TNNI3K: variants seen among roughly 807,000 people sequenced by gnomAD.
The protein encoded by TNNI3K is TNNI3 interacting kinase, also known as serine/threonine-protein kinase TNNI3K.
Under a neutral mutation model 114.5 loss-of-function variants are expected in TNNI3K, and 140 were observed. The ratio of observed to expected loss-of-function variants is 1.22; its 90% CI spans 1.07 to 1.41. The LOEUF is 1.41. Among genes scored for constraint, TNNI3K ranks in the 40% most tolerant of loss-of-function variants. The pLI is 0.00. For missense variants in TNNI3K, 1,125 were observed against 1,007.6 expected (o/e 1.12, Z -1.58); for synonymous variants, 347 against 347.5 (o/e 1.00, Z 0.02).
intron 17 of TNNI3K, among the ~76,000 whole-genome samples, chr1:74,383,316 A>G (rs973713786): frequency 1.3e-5 from 2 of 151,512 alleles, no homozygotes; most frequent in Non-Finnish European, 2.9e-5. Flanking sequence ...TTTTGTTCTT[A>G]TTTTGTTTTC....
intron 17 of TNNI3K, among the ~76,000 whole-genome samples, chr1:74,402,402 G>A (rs2100593305): frequency 6.6e-6 from 1 of 152,228 alleles, no homozygotes; most frequent in East Asian, 1.9e-4. Context: ...AAAAAAATGT[G>A]TTTCTGGTTT....
At chr1:74,488,471 T>G (rs1461098921) in intron 21 of TNNI3K, among the ~76,000 whole-genome samples, 2 of 152,158 alleles carry the variant, frequency 1.3e-5, no homozygotes, top group African/African-American at 2.4e-5. Flanking sequence ...GGAGAAATGA[T>G]AGGGTGTATA....
intron 17 of TNNI3K, among the ~76,000 whole-genome samples, chr1:74,434,094 A>G (rs751390522): frequency 2.0e-5 from 3 of 151,970 alleles, no homozygotes; most frequent in Non-Finnish European, 4.4e-5. Context: ...TTCTAAAATT[A>G]TTTGGAAATA....
chr1:74,379,203 C>T (rs1464395699), intron 17 of TNNI3K, among the ~76,000 whole-genome samples: 1 of 149,548 alleles, frequency 6.7e-6, no homozygotes, highest in African/African-American at 2.6e-5. Context: ...GACTATGTCC[C>T]TGAATTGAAA....
chr1:74,241,401 G>T (rs2100829857), intron 2 of TNNI3K, among the ~76,000 whole-genome samples: 1 of 152,318 alleles, frequency 6.6e-6, no homozygotes, highest in African/African-American at 2.4e-5. Context: ...CACCAATGGT[G>T]TAAAAGTGTT....
At chr1:74,320,015 G>T (rs1253373377) in intron 5 of TNNI3K, among the ~76,000 whole-genome samples, 1 of 152,186 alleles carries the variant, frequency 6.6e-6, no homozygotes, top group Non-Finnish European at 1.5e-5. Context: ...TTGGGTTATA[G>T]AAGTCTGGGT....
At chr1:74,247,115 A>G (rs1045055661) in intron 2 of TNNI3K, among the ~76,000 whole-genome samples, 2 of 152,162 alleles carry the variant, frequency 1.3e-5, no homozygotes, top group East Asian at 3.9e-4. Context: ...GGACCCTCGC[A>G]GTGAGTGTTC....
chr1:74,413,328 T>G (rs1664974152), intron 17 of TNNI3K, among the ~76,000 whole-genome samples: 1 of 152,222 alleles, frequency 6.6e-6, no homozygotes, highest in Admixed American at 6.5e-5. Flanking sequence ...CATTTTAATT[T>G]TCTAGCATCT....
chr1:74,435,989 T>C, intron 17 of TNNI3K, 91 bp from the exon 18 acceptor site: 1 of 1,485,636 alleles, frequency 6.7e-7, no homozygotes, highest in East Asian at 2.3e-5. Context: ...AAACAAATGA[T>C]GTCTATGGTC....
intron 17 of TNNI3K, among the ~76,000 whole-genome samples, chr1:74,431,626 GA>G (rs1372328751): frequency 1.3e-5 from 2 of 152,054 alleles, no homozygotes; most frequent in African/African-American, 2.4e-5. Flanking sequence ...AGCAAGAGAT[GA>G]AAAGAGATAC....
At chr1:74,379,533 C>G (rs182781648) in intron 17 of TNNI3K, among the ~76,000 whole-genome samples, 4 of 152,194 alleles carry the variant, frequency 2.6e-5, no homozygotes, top group Non-Finnish European at 4.4e-5. Flanking sequence ...ATCCCCATTT[C>G]TGACATGCTC....
chr1:74,431,022 A>G (rs1319017098), intron 17 of TNNI3K, among the ~76,000 whole-genome samples: 1 of 152,182 alleles, frequency 6.6e-6, no homozygotes, highest in East Asian at 1.9e-4. Flanking sequence ...TGTTTACAAA[A>G]GTGCATTTGC....
chr1:74,241,615 G>T (rs1477223325), intron 2 of TNNI3K, among the ~76,000 whole-genome samples: 2 of 152,092 alleles, frequency 1.3e-5, no homozygotes, highest in Non-Finnish European at 2.9e-5. Context: ...TTGCCCACTT[G>T]TTGATGGGGT....
intron 9 of TNNI3K, among the ~76,000 whole-genome samples, chr1:74,346,339 T>C (rs980122471): frequency 1.3e-5 from 2 of 152,126 alleles, no homozygotes; most frequent in Non-Finnish European, 2.9e-5. Flanking sequence ...GACCTGGATT[T>C]GACTAAAACT....
At chr1:74,289,966 T>C (rs1218535756) in intron 5 of TNNI3K, among the ~76,000 whole-genome samples, 3 of 151,778 alleles carry the variant, frequency 2.0e-5, no homozygotes, top group African/African-American at 4.8e-5. Context: ...TCAATCACCA[T>C]TTTATAGTAA....
chr1:74,398,018 T>C (rs1429963927), intron 17 of TNNI3K, among the ~76,000 whole-genome samples: 1 of 152,234 alleles, frequency 6.6e-6, no homozygotes, highest in African/African-American at 2.4e-5. Flanking sequence ...CATGGAGAAC[T>C]GGTTAAAAAC....
At chr1:74,333,591 G>A (rs1384084253) in intron 6 of TNNI3K, among the ~76,000 whole-genome samples, 1 of 152,170 alleles carries the variant, frequency 6.6e-6, no homozygotes, top group Admixed American at 6.5e-5. Context: ...GCCTTTTTAT[G>A]ATAAGGGACT....
At chr1:74,534,928 C>G (rs1570753984) in intron 23 of TNNI3K, among the ~76,000 whole-genome samples, 2 of 152,266 alleles carry the variant, frequency 1.3e-5, no homozygotes, top group Admixed American at 6.5e-5. Context: ...AGGCATATAG[C>G]ACGTTTCAGT....
At chr1:74,258,880 A>G (rs760567488) in intron 4 of TNNI3K, among the ~76,000 whole-genome samples, 51 of 152,216 alleles carry the variant, frequency 3.4e-4, no homozygotes, top group Non-Finnish European at 6.5e-4. Flanking sequence ...TTAAATTGGT[A>G]CATCTAGGGT....
Sources: gnomAD v4.1 joint callset for allele counts (sites outside exome capture counted in the v4.1 genomes callset) on GRCh38, gnomAD v4.1.1 for gene constraint, MANE v1.5 for transcripts, NCBI Gene and HGNC (gene_info 2026-07-23, HGNC 2026-07-21) for gene names.